PDE11A: variants seen among roughly 807,000 people sequenced by gnomAD.
PDE11A encodes the protein dual 3',5'-cyclic-AMP and -GMP phosphodiesterase 11A.
Under a neutral mutation model 100.5 loss-of-function variants are expected in PDE11A, and 100 were observed. The ratio of observed to expected loss-of-function variants is 1.00; its 90% CI spans 0.85 to 1.18. The LOEUF (loss-of-function observed/expected upper bound fraction) is 1.18. Among genes scored for constraint, PDE11A ranks in the 50% most tolerant of loss-of-function variants. The pLI, the probability that PDE11A is intolerant of heterozygous loss-of-function variation, is 0.00. For missense variants in PDE11A, 1,141 were observed against 1,152.6 expected (o/e 0.99, Z 0.15); for synonymous variants, 381 against 420.8 (o/e 0.91, Z 1.16).
chr2:177,983,033 G>C (rs111304566), intron 2 of PDE11A, among the ~76,000 whole-genome samples: 1 of 150,620 alleles, frequency 6.6e-6, no homozygotes, highest in Admixed American at 6.6e-5. Context: ...CTGAGATCGC[G>C]CCATTACACT....
chr2:177,890,241 A>G (rs948760363), intron 4 of PDE11A, among the ~76,000 whole-genome samples: 7 of 152,068 alleles, frequency 4.6e-5, no homozygotes, highest in African/African-American at 7.2e-5. Flanking sequence ...TTGTGTTCCT[A>G]TTTATCCTGA....
chr2:178,033,906 T>C (rs1213755596), intron 1 of PDE11A, among the ~76,000 whole-genome samples: 2 of 151,864 alleles, frequency 1.3e-5, no homozygotes, highest in Non-Finnish European at 2.9e-5. Flanking sequence ...GCACTAAATA[T>C]GGAAAGGAAA....
chr2:177,906,177 A>ACACGCACG (rs3037874), intron 2 of PDE11A, among the ~76,000 whole-genome samples: 10 of 151,154 alleles, frequency 6.6e-5, no homozygotes, highest in Middle Eastern at 3.4e-3. Flanking sequence ...ACACACACAC[A>ACACGCACG]CACGCACGCA....
intron 2 of PDE11A, among the ~76,000 whole-genome samples, chr2:178,097,828 A>T (rs1441762547): frequency 6.6e-6 from 1 of 152,250 alleles, no homozygotes; most frequent in Non-Finnish European, 1.5e-5. Context: ...GAGATACAAG[A>T]TCTGCACAAC....
intron 19 of PDE11A, among the ~76,000 whole-genome samples, chr2:177,657,704 G>A (rs1559129349): frequency 6.6e-6 from 1 of 151,958 alleles, no homozygotes; most frequent in East Asian, 1.9e-4. Context: ...GTGAGAGAGA[G>A]GGAGAGTAGT....
chr2:177,793,359 T>C (rs2082658575), intron 9 of PDE11A, among the ~76,000 whole-genome samples: 1 of 152,022 alleles, frequency 6.6e-6, no homozygotes, highest in African/African-American at 2.4e-5. Context: ...GGGTAGTATA[T>C]AGTTTTGCCT....
chr2:177,858,318 G>A (rs1383107815), intron 5 of PDE11A, among the ~76,000 whole-genome samples: 2 of 151,436 alleles, frequency 1.3e-5, no homozygotes, highest in South Asian at 2.1e-4. Context: ...GCAACCTACA[G>A]AATGGGAGAA....
At chr2:178,085,820 C>T (rs1000671642) in intron 2 of PDE11A, among the ~76,000 whole-genome samples, 7 of 152,036 alleles carry the variant, frequency 4.6e-5, no homozygotes, top group African/African-American at 1.2e-4. Flanking sequence ...AACTCAGTAC[C>T]GGGGCAAAGA....
intron 2 of PDE11A, among the ~76,000 whole-genome samples, chr2:177,906,423 C>T (rs1227329025): frequency 6.6e-6 from 1 of 152,146 alleles, no homozygotes; most frequent in Admixed American, 6.5e-5. Flanking sequence ...AGATGAAGGG[C>T]AATTCACATT....
At position 177,624,061 on chromosome 2, in the gene PDE11A, T is replaced by C. The variant is rs1277198117; in HGVS notation, c.*5346A>G. 2 of 152,350 alleles carry C rather than the reference T, an allele frequency of 1.3e-5. No homozygotes were observed. Among genetic ancestry groups the C allele is most frequent in the East Asian group, 3.9e-4 (2 of 5,192 alleles). 9.4% of individuals were successfully genotyped at this position (152,350 alleles called of 1,614,324 possible). A position where few individuals can be genotyped will look rare whatever the true frequency, so the allele number is the denominator to read the frequency against. Reference sequence around the variant, plus strand: ...AGCTGGTGCAATTTTGGCCTTCTTGTAGTCAGACTTAACCTTTACATTTCC... The same window carrying C: ...AGCTGGTGCAATTTTGGCCTTCTTGCAGTCAGACTTAACCTTTACATTTCC... On this transcript the variant is annotated 3_prime_UTR_variant, in exon 20 of 20. Coordinates refer to ENST00000286063, the MANE Select transcript of PDE11A (RefSeq NM_016953.4).
At position 177,669,527 on chromosome 2, in the gene PDE11A, TCTC is replaced by T; in HGVS notation, c.2525_2527del (p.Gly842del). ...GAGTTTGAGCTCTAATCTCTCCCGA[TCTC>T]CTTGTTCGAAGAACTCACTGGTTAC... On this transcript the variant is annotated inframe_deletion, in exon 18 of 20. Transcript: ENST00000286063. 3 of 1,471,228 alleles carry T rather than the reference TCTC, an allele frequency of 2.0e-6. No individual in the cohort carries two copies. Among genetic ancestry groups the T allele is most frequent in the Non-Finnish European group, 2.9e-6 (3 of 1,049,810 alleles). The allele number at this position is 1,471,228 out of a possible 1,614,324, so 91.1% of individuals were successfully genotyped here.
intron 15 of PDE11A, among the ~76,000 whole-genome samples, chr2:177,683,828 A>C (rs1444538235): frequency 6.6e-6 from 1 of 151,964 alleles, no homozygotes; most frequent in East Asian, 1.9e-4. Flanking sequence ...CCAGGTTTGG[A>C]CCCACACCGA....
At chr2:177,771,102 T>A (rs2082305650) in intron 9 of PDE11A, among the ~76,000 whole-genome samples, 1 of 152,216 alleles carries the variant, frequency 6.6e-6, no homozygotes, top group African/African-American at 2.4e-5. Context: ...GTGCTGGGAT[T>A]ATAGGCATGA....
chr2:177,950,177 G>A (rs1273543253), intron 2 of PDE11A, among the ~76,000 whole-genome samples: 1 of 151,900 alleles, frequency 6.6e-6, no homozygotes, highest in Non-Finnish European at 1.5e-5. Context: ...GGGAATCCTA[G>A]TAGTAACTCT....
intron 2 of PDE11A, among the ~76,000 whole-genome samples, chr2:177,909,879 A>G (rs545389077): frequency 1.8e-4 from 27 of 152,336 alleles, no homozygotes; most frequent in African/African-American, 5.5e-4. Context: ...ATTTTCTCTC[A>G]GTACTTAAAA....
chr2:177,926,127 T>G (rs1242634380), intron 2 of PDE11A, among the ~76,000 whole-genome samples: 1 of 152,256 alleles, frequency 6.6e-6, no homozygotes, highest in Non-Finnish European at 1.5e-5. Context: ...ATTATTTGTG[T>G]AAATTCCACA....
At chr2:177,916,888 G>A (rs973717488) in intron 2 of PDE11A, among the ~76,000 whole-genome samples, 224 of 150,286 alleles carry the variant, frequency 1.5e-3, no homozygotes, top group African/African-American at 5.4e-3. Flanking sequence ...AGCCTCCCGA[G>A]TAGCTGGGAC....
intron 9 of PDE11A, among the ~76,000 whole-genome samples, chr2:177,790,287 G>A (rs915390371): frequency 2.4e-4 from 37 of 151,344 alleles, no homozygotes; most frequent in Non-Finnish European, 4.6e-4. Flanking sequence ...AAGCAATGGG[G>A]AAAGGATTCC....
intron 12 of PDE11A, among the ~76,000 whole-genome samples, chr2:177,713,307 C>T (rs920362157): frequency 6.6e-6 from 1 of 152,172 alleles, no homozygotes; most frequent in Non-Finnish European, 1.5e-5. Context: ...CCACGCCTGG[C>T]TGACAATTTT....
Sources: gnomAD v4.1 joint callset for allele counts (sites outside exome capture counted in the v4.1 genomes callset) on GRCh38, gnomAD v4.1.1 for gene constraint, MANE v1.5 for transcripts, NCBI Gene and HGNC (gene_info 2026-07-23, HGNC 2026-07-21) for gene names.